GPHN: variants seen among roughly 807,000 people sequenced by gnomAD.
GPHN encodes gephyrin.
GPHN carries 17 observed loss-of-function variants against 95.5 expected under a neutral mutation model. The ratio of observed to expected loss-of-function variants is 0.18; its 90% CI spans 0.12 to 0.27. The LOEUF (loss-of-function observed/expected upper bound fraction) is 0.27, where lower values mean the gene tolerates loss of function less well. GPHN is among the 10% of genes least tolerant of loss of function. The probability of loss-of-function intolerance (pLI) is 1.00; values close to 1 mark genes in which losing one functional copy is unlikely to be tolerated. For missense variants in GPHN, 660 were observed against 978.1 expected, an observed-to-expected ratio of 0.67 and a Z score of 4.34; for synonymous variants, 320 against 322.5, an observed-to-expected ratio of 0.99 and a Z score of 0.08.
At chr14:67,331,533 C>G in the GPHN span, among the ~76,000 whole-genome samples, 1 of 152,076 alleles carries the variant, frequency 6.6e-6, no homozygotes, top group Non-Finnish European at 1.5e-5. Context: ...GAGTGGCTAT[C>G]TAGCAGTATG....
intron 11 of GPHN, among the ~76,000 whole-genome samples, chr14:67,069,730 C>T (rs1229317621): frequency 6.6e-6 from 1 of 152,228 alleles, no homozygotes. Context: ...TGGCCTGCAT[C>T]TGGATCCTGT....
intron 17 of GPHN, among the ~76,000 whole-genome samples, chr14:67,135,235 T>C (rs1166932652): frequency 6.6e-6 from 1 of 152,138 alleles, no homozygotes; most frequent in African/African-American, 2.4e-5. Context: ...GCTGGGATTA[T>C]AGGTGTGAGA....
chr14:66,787,918 G>A (rs2059837090), intron 3 of GPHN, among the ~76,000 whole-genome samples: 2 of 151,378 alleles, frequency 1.3e-5, no homozygotes, highest in African/African-American at 4.8e-5. Flanking sequence ...TTTACGACCT[G>A]GGGCTAGATG....
chr14:67,315,926 A>T, the GPHN span, among the ~76,000 whole-genome samples: 3 of 152,384 alleles, frequency 2.0e-5, no homozygotes, highest in African/African-American at 7.2e-5. Context: ...CTTCGTCTCA[A>T]AAGATAACCA....
At chr14:67,315,150 T>C in the GPHN span, among the ~76,000 whole-genome samples, 5 of 152,084 alleles carry the variant, frequency 3.3e-5, no homozygotes, top group Non-Finnish European at 5.9e-5. Flanking sequence ...GAATAGCCTA[T>C]AGTTCATACT....
At chr14:67,070,713 A>ATAT (rs1392804155) in intron 11 of GPHN, among the ~76,000 whole-genome samples, 6 of 84,920 alleles carry the variant, frequency 7.1e-5, no homozygotes, top group African/African-American at 3.1e-4. Flanking sequence ...AAAAAAAAAA[A>ATAT]AAATATATAT....
chr14:66,996,535 T>C (rs893664507), intron 9 of GPHN, among the ~76,000 whole-genome samples: 12 of 152,178 alleles, frequency 7.9e-5, no homozygotes, highest in African/African-American at 2.9e-4. Flanking sequence ...AGGTAATTTA[T>C]TATTAAACTC....
intron 3 of GPHN, among the ~76,000 whole-genome samples, chr14:66,789,389 C>T (rs1469641937): frequency 6.6e-6 from 1 of 152,140 alleles, no homozygotes; most frequent in Non-Finnish European, 1.5e-5. Flanking sequence ...TATTTTTAAG[C>T]CATTTAATTA....
chr14:66,782,819 C>T (rs900921520), intron 3 of GPHN, among the ~76,000 whole-genome samples: 11 of 151,710 alleles, frequency 7.3e-5, no homozygotes, highest in South Asian at 2.1e-4. Flanking sequence ...GATGACAGAG[C>T]GAGACTCCAT....
intron 2 of GPHN, among the ~76,000 whole-genome samples, chr14:66,697,791 G>A (rs75397366): frequency 0.04 from 5,952 of 150,600 alleles, 171 homozygotes; most frequent in Middle Eastern, 0.065. Flanking sequence ...AGGTTCCAGT[G>A]ATCATCTCAC....
the GPHN span, among the ~76,000 whole-genome samples, chr14:67,544,463 A>G: frequency 4.6e-5 from 7 of 152,192 alleles, no homozygotes; most frequent in African/African-American, 1.2e-4. Flanking sequence ...GAAGAGGAAT[A>G]TATAATCAAA....
At chr14:67,585,879 C>G in the GPHN span, 2 of 1,481,594 alleles carry the variant, frequency 1.3e-6, no homozygotes, top group East Asian at 2.3e-5. Context: ...CTAGAAGAGA[C>G]AGGGGATGCT....
chr14:67,671,398 C>T, the GPHN span, among the ~76,000 whole-genome samples: 16 of 151,902 alleles, frequency 1.1e-4, no homozygotes. Flanking sequence ...TGGTAGCATG[C>T]GCCTGTAATC....
intron 17 of GPHN, among the ~76,000 whole-genome samples, chr14:67,137,322 T>G (rs576594817): frequency 1.3e-5 from 2 of 151,806 alleles, no homozygotes; most frequent in South Asian, 4.1e-4. Flanking sequence ...ATTTTTTGTA[T>G]TTTTAGTAGA....
the GPHN span, chr14:67,223,860 C>T: frequency 2.0e-6 from 2 of 985,746 alleles, no homozygotes; most frequent in Non-Finnish European, 2.4e-6. Context: ...TCACTTAACA[C>T]CCTGTACCCC....
At chr14:67,047,643 G>A (rs2153640084) in intron 10 of GPHN, among the ~76,000 whole-genome samples, 1 of 152,270 alleles carries the variant, frequency 6.6e-6, no homozygotes, top group South Asian at 2.1e-4. Flanking sequence ...TAGGATTACA[G>A]ACATGAGCCA....
the GPHN span, among the ~76,000 whole-genome samples, chr14:67,418,614 GGA>G: frequency 7.2e-5 from 11 of 152,176 alleles, no homozygotes; most frequent in African/African-American, 2.2e-4. Context: ...AAGGTGACTT[GGA>G]GAGAGAGCTG....
intron 1 of GPHN, among the ~76,000 whole-genome samples, chr14:66,680,045 A>G (rs17182817): frequency 0.059 from 8,926 of 152,332 alleles, 358 homozygotes; most frequent in Middle Eastern, 0.099. Flanking sequence ...GAAAGATAAG[A>G]TCAAGTGCTA....
At chr14:67,571,404 C>A in the GPHN span, 25 of 220,710 alleles carry the variant, frequency 1.1e-4, no homozygotes, top group Admixed American at 8.8e-4. Flanking sequence ...ATTGTTGCGA[C>A]GTCCCCACAC....
Sources: allele counts gnomAD v4.1 joint callset (sites outside exome capture counted in the v4.1 genomes callset), GRCh38; gene constraint gnomAD v4.1.1; transcripts MANE v1.5; gene names NCBI Gene and HGNC (gene_info 2026-07-23, HGNC 2026-07-21).